The following PCDHGA1 variants were observed in gnomAD, a reference collection of about 807,000 sequenced individuals.
PCDHGA1 encodes protocadherin gamma subfamily A, 1.
Under a neutral mutation model 58.0 loss-of-function variants are expected in PCDHGA1, and 32 were observed. That is an observed-to-expected ratio of 0.55 (90% CI 0.42 to 0.74). The LOEUF (loss-of-function observed/expected upper bound fraction) is 0.74. PCDHGA1 is among the 30% of genes least tolerant of loss of function. The probability of loss-of-function intolerance (pLI) is 0.00; values close to 1 mark genes in which losing one functional copy is unlikely to be tolerated. For synonymous variants in PCDHGA1, 498 were observed against 501.1 expected, an observed-to-expected ratio of 0.99 and a Z score of 0.08; for missense variants, 1,205 against 1,182.3, an observed-to-expected ratio of 1.02 and a Z score of -0.28.
intron 1 of PCDHGA1, among the ~76,000 whole-genome samples, chr5:141,456,703 G>T (rs528071544): frequency 1.3e-5 from 2 of 152,062 alleles, no homozygotes; most frequent in Non-Finnish European, 2.9e-5. Context: ...GGTGGCTCGC[G>T]CCTGTAATCC....
At chr5:141,434,608 C>T (rs142418557) in intron 1 of PCDHGA1, among the ~76,000 whole-genome samples, 1,532 of 152,226 alleles carry the variant, frequency 0.01, 34 homozygotes, top group African/African-American at 0.034. Flanking sequence ...CCTTTATTTC[C>T]GCCCATCTCT....
chr5:141,371,107 A>G (rs202073589), intron 1 of PCDHGA1: 391 of 1,613,532 alleles, frequency 2.4e-4, no homozygotes, highest in Non-Finnish European at 3.2e-4. Flanking sequence ...GCAAATGATA[A>G]CCCCCCAGTA....
chr5:141,419,402 T>G (rs2096376244), intron 1 of PCDHGA1: 1 of 1,613,378 alleles, frequency 6.2e-7, no homozygotes, highest in African/African-American at 1.3e-5. Flanking sequence ...CGGGGTGGTG[T>G]TCGCGCAGCG....
intron 1 of PCDHGA1, chr5:141,392,171 C>A (rs1182647236): frequency 6.6e-6 from 1 of 152,216 alleles, no homozygotes; most frequent in African/African-American, 2.4e-5. Flanking sequence ...CTGAGTCAGT[C>A]ATCTCCAGTA....
rs563283218 is a variant in PCDHGA1, at chr5:141,431,573, G to A, written c.2422-63234G>A. On this transcript the variant is annotated intron_variant, in intron 1 of 3. Coordinates refer to ENST00000517417, the MANE Select transcript of PCDHGA1 (RefSeq NM_018912.3). This position sits in a 1 kb window ranked among gnomAD's most constrained non-coding sequence, Gnocchi z 4.8. ...AGTCAACGCTACCGACCCTGACGAA[G>A]GAGTCAATGCGGAAGTGAGGTATTC... 5.6e-6 allele frequency: 9 copies of A among 1,614,186 alleles called. No homozygotes were observed. The South Asian group carries it at 8.8e-5, about 16-fold the overall frequency.
intron 1 of PCDHGA1, chr5:141,360,665 A>T (rs758728447): frequency 6.2e-7 from 1 of 1,614,024 alleles, no homozygotes; most frequent in Non-Finnish European, 8.5e-7. Context: ...GACAACGAGT[A>T]CTTTGATCTC....
At chr5:141,427,056 T>C (rs1472513807) in intron 1 of PCDHGA1, 1 of 457,676 alleles carries the variant, frequency 2.2e-6, no homozygotes, top group Non-Finnish European at 4.4e-6. Flanking sequence ...CCCAGGCACC[T>C]CTGTACTAAA....
At chr5:141,463,725 C>T (rs1259646105) in intron 1 of PCDHGA1, among the ~76,000 whole-genome samples, 2 of 152,026 alleles carry the variant, frequency 1.3e-5, no homozygotes, top group Non-Finnish European at 1.5e-5. Context: ...GGATTACAGG[C>T]ATGAGCCACC....
intron 1 of PCDHGA1, chr5:141,376,190 G>T: frequency 6.2e-7 from 1 of 1,614,116 alleles, no homozygotes; most frequent in African/African-American, 1.3e-5. Flanking sequence ...GGTCTCCTGC[G>T]TCTTCCTGGC....
rs200625256 is a variant in PCDHGA1 at position 141,477,009 on chromosome 5, A to G, written c.2422-17798A>G. 7.5e-5 allele frequency: 121 copies of G among 1,614,064 alleles called. No homozygotes were observed. Among genetic ancestry groups the G allele is most frequent in the Non-Finnish European group, 9.2e-5 (109 of 1,180,028 alleles). On this transcript the variant is annotated intron_variant, in intron 1 of 3. Transcript: ENST00000517417. This position sits in a 1 kb window ranked among gnomAD's most constrained non-coding sequence, Gnocchi z 4.9. The stretch of plus-strand genomic sequence containing the variant: ...GGCGTGCGGCAACTATTCGCCTTAG[A>G]CCTTGTAACCGGGATGCTGACAATC...
Position 141,345,940 on chromosome 5 carries a change from A to G in PCDHGA1, c.2421+12835A>G, listed in dbSNP as rs370686911. 3.7e-6 allele frequency: 6 copies of G among 1,613,262 alleles called. No homozygotes were observed. The highest frequency in any genetic ancestry group is 5.1e-6 in the Non-Finnish European group (6 of 1,179,824). The stretch of plus-strand genomic sequence containing the variant: ...ACGGCGCGAGCCCTGCTGGACAGAG[A>G]CGCGCTCAAGCAGAGCCTCGTGGTG... On this transcript the variant is annotated intron_variant, in intron 1 of 3. Coordinates refer to ENST00000517417, the MANE Select transcript of PCDHGA1 (RefSeq NM_018912.3).
intron 1 of PCDHGA1, chr5:141,352,241 G>A: frequency 6.2e-7 from 1 of 1,614,080 alleles, no homozygotes; most frequent in Non-Finnish European, 8.5e-7. Flanking sequence ...CCTAATCTTC[G>A]CGGATAGCCT....
chr5:141,450,776 C>G (rs757791026), intron 1 of PCDHGA1, among the ~76,000 whole-genome samples: 1 of 151,440 alleles, frequency 6.6e-6, no homozygotes, highest in Non-Finnish European at 1.5e-5. Flanking sequence ...CATGAGCCAC[C>G]GTGCCCGGAC....
Position 141,331,513 on chromosome 5 carries a change from G to A in PCDHGA1, c.829G>A (p.Val277Ile). 2 of 1,614,186 alleles carry A rather than the reference G, an allele frequency of 1.2e-6. No homozygotes were observed. Among genetic ancestry groups the A allele is most frequent in the Non-Finnish European group, 1.7e-6 (2 of 1,180,044 alleles). The stretch of plus-strand genomic sequence containing the variant: ...CCCTGATGAGGGAGCCAATGGGGAA[G>A]TAACGTACTCCTTTCACAATGTAGA... ...TDPDEGANGE[V>I]TYSFHNVDHR... Residue 277 changes from valine (V) to isoleucine (I), a missense_variant, in exon 1 of 4, where the codon GTA (valine) becomes ATA (isoleucine). Val to Ile is a conservative substitution (Grantham distance 29). Coordinates refer to ENST00000517417, the MANE Select transcript of PCDHGA1 (RefSeq NM_018912.3).
chr5:141,400,501 G>A lies in PCDHGA1; in HGVS notation c.2421+67396G>A, dbSNP rs574905149. 3.4e-5 allele frequency: 55 copies of A among 1,613,996 alleles called. 1 individual carries two copies. The East Asian group carries it at 1.1e-3, about 33-fold the overall frequency. On this transcript the variant is annotated intron_variant, in intron 1 of 3. Coordinates refer to ENST00000517417, the MANE Select transcript of PCDHGA1 (RefSeq NM_018912.3). ...CTTATTTCCACTTTGTAATTCCAGC[G>A]AGTCGACTTCCCATCCTGAGTTGGT... is the stretch of plus-strand genomic sequence containing the variant.
chr5:141,365,463 A>G (rs906812137), intron 1 of PCDHGA1: 2 of 1,613,996 alleles, frequency 1.2e-6, no homozygotes, highest in South Asian at 1.1e-5. Flanking sequence ...GATTCTGGAG[A>G]AAATGGTGAG....
intron 1 of PCDHGA1, chr5:141,426,987 G>C (rs867397302): frequency 1.3e-5 from 6 of 456,602 alleles, no homozygotes; most frequent in African/African-American, 1.2e-4. Context: ...TGATGCCAAC[G>C]ATAATGCCCC....
intron 1 of PCDHGA1, chr5:141,409,054 T>TA: frequency 6.2e-7 from 1 of 1,614,028 alleles, no homozygotes; most frequent in African/African-American, 1.3e-5. Flanking sequence ...TCCGAAGCAC[T>TA]GCCCAGAGCA....
Position 141,371,052 on chromosome 5 carries a change from C to T in PCDHGA1, c.2421+37947C>T, listed in dbSNP as rs769801850. 2.5e-6 allele frequency: 4 copies of T among 1,613,960 alleles called. No individual in the cohort carries two copies. In the South Asian group the frequency reaches 3.3e-5, roughly 13 times the overall value. ...CCTCACAGCTGTGGATGGGGGCGAGCCCTCCAGAAGCTGTACCACCCAGAT... is the reference window on the plus strand; with the variant it reads ...CCTCACAGCTGTGGATGGGGGCGAGTCCTCCAGAAGCTGTACCACCCAGAT... On this transcript the variant is annotated intron_variant, in intron 1 of 3. Coordinates refer to ENST00000517417, the MANE Select transcript of PCDHGA1 (RefSeq NM_018912.3).
Sources: allele counts gnomAD v4.1 joint callset (sites outside exome capture counted in the v4.1 genomes callset), GRCh38; gene constraint gnomAD v4.1.1; non-coding constraint Gnocchi (gnomAD v3.1); transcripts MANE v1.5; gene names NCBI Gene and HGNC (gene_info 2026-07-23, HGNC 2026-07-21).